DNAH12: variants seen among roughly 807,000 people sequenced by gnomAD.
DNAH12 encodes the protein dynein axonemal heavy chain 12, also known as axonemal beta dynein heavy chain 12.
In DNAH12, 285 loss-of-function variants were observed where a neutral mutation model predicts 371.5. The observed-to-expected ratio is 0.77, with a 90% confidence interval of 0.70 to 0.85. The LOEUF (loss-of-function observed/expected upper bound fraction) is 0.85. Ranked by LOEUF, DNAH12 falls within the 40% of genes least tolerant of loss-of-function variation. DNAH12 has a pLI of 0.00. For synonymous variants in DNAH12, 1,200 were observed against 1,213.0 expected, an observed-to-expected ratio of 0.99 and a Z score of 0.22; for missense variants, 3,611 against 3,689.4, an observed-to-expected ratio of 0.98 and a Z score of 0.55.
At chr3:57,515,704 C>G (rs544919860) in intron 4 of DNAH12, among the ~76,000 whole-genome samples, 1 of 151,552 alleles carries the variant, frequency 6.6e-6, no homozygotes, top group Non-Finnish European at 1.5e-5. Flanking sequence ...AATGAATAAG[C>G]GAAGAAAAAT....
intron 62 of DNAH12, among the ~76,000 whole-genome samples, chr3:57,330,617 G>A (rs2062073232): frequency 1.3e-5 from 2 of 150,632 alleles, no homozygotes; most frequent in South Asian, 4.2e-4. Context: ...AATGCCAGAT[G>A]ATGAGTTAGT....
At chr3:57,367,208 C>T (rs1441005867) in intron 56 of DNAH12, among the ~76,000 whole-genome samples, 7 of 152,108 alleles carry the variant, frequency 4.6e-5, no homozygotes, top group African/African-American at 1.7e-4. Flanking sequence ...GTGGAACACA[C>T]CTGTAATCCC....
intron 35 of DNAH12, among the ~76,000 whole-genome samples, chr3:57,423,733 C>T (rs1232714051): frequency 5.9e-5 from 9 of 152,144 alleles, no homozygotes; most frequent in African/African-American, 2.2e-4. Context: ...CCTAGCTAAC[C>T]AAGACTACTG....
chr3:57,458,538 C>T (rs894298060), intron 20 of DNAH12, among the ~76,000 whole-genome samples: 4 of 152,158 alleles, frequency 2.6e-5, no homozygotes, highest in South Asian at 2.1e-4. Flanking sequence ...CTTACTTTTA[C>T]TACTGTCAAC....
In DNAH12 at chr3:57,523,610, C is replaced by G. The variant is rs368246978; in HGVS notation, c.253-1G>C. The G allele has an allele frequency of 2.4e-5, 37 of 1,573,074 alleles. No individual in the cohort carries two copies. Among genetic ancestry groups the G allele is most frequent in the Non-Finnish European group, 2.8e-5 (32 of 1,161,334 alleles). On this transcript the variant is annotated splice_acceptor_variant, in intron 3 of 73. Transcript: ENST00000495027. LOFTEE classifies it high-confidence loss of function. ...CTTTTTTTTTCATTTCACTGGTCATCTGTCAAAAACAAACAGGATATAATT... is the reference window on the plus strand; with the variant it reads ...CTTTTTTTTTCATTTCACTGGTCATGTGTCAAAAACAAACAGGATATAATT...
intron 58 of DNAH12, among the ~76,000 whole-genome samples, chr3:57,359,577 AAAAG>A (rs1368473724): frequency 4.8e-5 from 7 of 145,134 alleles, no homozygotes; most frequent in South Asian, 4.2e-4. Context: ...AAAAAAAAAA[AAAAG>A]AAAGAAAGAA....
intron 19 of DNAH12, 111 bp downstream of exon 19, chr3:57,461,378 A>G: frequency 5.2e-6 from 5 of 952,982 alleles, no homozygotes; most frequent in Middle Eastern, 2.5e-4. Flanking sequence ...TATGATTTGA[A>G]TAAACACTTA....
intron 60 of DNAH12, among the ~76,000 whole-genome samples, chr3:57,340,184 G>T (rs2062359586): frequency 6.6e-6 from 1 of 151,778 alleles, no homozygotes. Flanking sequence ...ATAGCAAGAG[G>T]CAAGTTTATA....
chr3:57,307,478 A>C (rs2061496560), intron 69 of DNAH12, among the ~76,000 whole-genome samples: 3 of 152,152 alleles, frequency 2.0e-5, no homozygotes, highest in South Asian at 2.1e-4. Context: ...CTTTTTATCC[A>C]AACAACTTGA....
chr3:57,461,667 A>G lies in DNAH12; in HGVS notation c.2558T>C (p.Met853Thr), dbSNP rs866870649. 4.4e-5 allele frequency: 68 copies of G among 1,550,910 alleles called. No individual in the cohort carries two copies. In the Middle Eastern group the frequency reaches 6.7e-3, roughly 152 times the overall value. The change falls in exon 19 of 74, where the codon ATG becomes ACG. Residue 853 changes from methionine (M) to threonine (T), a missense_variant. By Grantham distance (81) the Met-to-Thr change is moderately conservative. This residue lies in a region of DNAH12 where 1,314 missense variants were observed against 1,398.7 expected (regional missense o/e 0.94). Coordinates refer to ENST00000495027, the MANE Select transcript of DNAH12 (RefSeq NM_001366028.2). ...TTCCCAAGTTCCTATCATTGTATTCATGGCTTTCTCTAATGAAAATTCCTA... is the reference window on the plus strand; with the variant it reads ...TTCCCAAGTTCCTATCATTGTATTCGTGGCTTTCTCTAATGAAAATTCCTA... Reference protein sequence around the residue: ...ASKEFSLEKAMNTMIGTWEDI... With the variant: ...ASKEFSLEKATNTMIGTWEDI...
chr3:57,470,639 G>A lies in DNAH12; in HGVS notation c.1912-3C>T, dbSNP rs1178320541. Reference sequence around the variant, plus strand: ...AGTTGTCTTACATCTGTCACATACTGAAAGTAAATAAGTTTTTTGTCTTAA... The same window carrying A: ...AGTTGTCTTACATCTGTCACATACTAAAAGTAAATAAGTTTTTTGTCTTAA... On this transcript the variant is annotated splice_region_variant and splice_polypyrimidine_tract_variant and intron_variant, in intron 15 of 73. Transcript: ENST00000495027. 1 of 1,519,742 alleles carries A rather than the reference G, an allele frequency of 6.6e-7. No homozygotes were observed. The highest frequency in any genetic ancestry group is 2.5e-5 in the East Asian group (1 of 40,606). 94.1% of individuals were successfully genotyped at this position (1,519,742 alleles called of 1,614,324 possible).
intron 55 of DNAH12, among the ~76,000 whole-genome samples, chr3:57,373,647 C>T (rs2063223318): frequency 6.6e-6 from 1 of 151,984 alleles, no homozygotes; most frequent in African/African-American, 2.4e-5. Context: ...TTCTAAATTG[C>T]AATTTAAACA....
the DNAH12 span, among the ~76,000 whole-genome samples, chr3:57,555,977 C>G: frequency 4.6e-5 from 7 of 152,250 alleles, no homozygotes; most frequent in Non-Finnish European, 7.3e-5. Flanking sequence ...GAGAGCTGGT[C>G]AGCCAAGATT....
chr3:57,367,399 A>C (rs1232134346), intron 56 of DNAH12, among the ~76,000 whole-genome samples: 1 of 152,212 alleles, frequency 6.6e-6, no homozygotes, highest in Non-Finnish European at 1.5e-5. Flanking sequence ...GCAATTATAC[A>C]GCAGGACTCT....
At chr3:57,456,825 C>T (rs2065914363) in intron 22 of DNAH12, among the ~76,000 whole-genome samples, 1 of 152,084 alleles carries the variant, frequency 6.6e-6, no homozygotes, top group Non-Finnish European at 1.5e-5. Flanking sequence ...AAATGCCACC[C>T]ATATGCTCAA....
At chr3:57,373,855 A>G (rs1166672942) in intron 55 of DNAH12, among the ~76,000 whole-genome samples, 1 of 152,190 alleles carries the variant, frequency 6.6e-6, no homozygotes, top group African/African-American at 2.4e-5. Flanking sequence ...TTTGCTCTCA[A>G]GTAAAGTTTT....
chr3:57,300,642 T>C (rs1484300260), intron 70 of DNAH12, among the ~76,000 whole-genome samples: 2 of 152,144 alleles, frequency 1.3e-5, no homozygotes, highest in Non-Finnish European at 2.9e-5. Context: ...ACCTATCAGA[T>C]TGGCAAAAAT....
At chr3:57,496,708 C>T (rs1045871777) in intron 11 of DNAH12, among the ~76,000 whole-genome samples, 6 of 152,172 alleles carry the variant, frequency 3.9e-5, no homozygotes, top group African/African-American at 1.4e-4. Context: ...GTGGCTCATG[C>T]CTGTAATCCC....
chr3:57,408,205 A>G (rs2064095924), intron 40 of DNAH12, 75 bp downstream of exon 40: 3 of 1,411,578 alleles, frequency 2.1e-6, no homozygotes, highest in Non-Finnish European at 1.9e-6. Context: ...AGCAGATAGC[A>G]TCAAAAAAAT....
Sources: allele counts gnomAD v4.1 joint callset (sites outside exome capture counted in the v4.1 genomes callset), GRCh38; gene constraint gnomAD v4.1.1; regional missense constraint gnomAD v4.1.1; transcripts MANE v1.5; gene names NCBI Gene and HGNC (gene_info 2026-07-23, HGNC 2026-07-21).